The following SUGCT variants were observed in gnomAD, a reference collection of about 807,000 sequenced individuals.
The protein encoded by SUGCT is succinyl-CoA:glutarate CoA-transferase.
In SUGCT, 41 loss-of-function variants were observed where a neutral mutation model predicts 55.0. The ratio of observed to expected loss-of-function variants is 0.74; its 90% CI spans 0.58 to 0.97. The LOEUF (loss-of-function observed/expected upper bound fraction) is 0.97. Among genes scored for constraint, SUGCT ranks in the 50% least tolerant of loss-of-function variants. The pLI, the probability that SUGCT is intolerant of heterozygous loss-of-function variation, is 0.00. For missense variants in SUGCT, 568 were observed against 547.8 expected (o/e 1.04, Z -0.37); for synonymous variants, 187 against 200.4 (o/e 0.93, Z 0.56).
chr7:40,432,703 AAAAAAAAAAAAT>A (rs1787966962), intron 9 of SUGCT, among the ~76,000 whole-genome samples: 1 of 136,350 alleles, frequency 7.3e-6, no homozygotes, highest in African/African-American at 2.6e-5. Context: ...AAAAAAAAAA[AAAAAAAAAAAAT>A]CAAAATTCTC....
intron 13 of SUGCT, among the ~76,000 whole-genome samples, chr7:40,782,994 A>T (rs1387051201): frequency 6.6e-6 from 1 of 151,926 alleles, no homozygotes; most frequent in African/African-American, 2.4e-5. Context: ...CTTCCATGTG[A>T]CTCTGCCTCT....
intron 13 of SUGCT, among the ~76,000 whole-genome samples, chr7:40,779,254 A>G (rs1789610004): frequency 6.6e-6 from 1 of 152,122 alleles, no homozygotes; most frequent in Non-Finnish European, 1.5e-5. Context: ...ACTTATAAAT[A>G]TTTCCTAAGC....
chr7:40,474,037 C>G (rs977925976), intron 11 of SUGCT, among the ~76,000 whole-genome samples: 2 of 152,066 alleles, frequency 1.3e-5, no homozygotes, highest in Non-Finnish European at 2.9e-5. Context: ...GCTTCTCCCC[C>G]TTTCCCTATG....
At chr7:40,391,977 C>T (rs1246049839) in intron 9 of SUGCT, among the ~76,000 whole-genome samples, 2 of 152,150 alleles carry the variant, frequency 1.3e-5, no homozygotes, top group Non-Finnish European at 2.9e-5. Context: ...AGTTCATTTC[C>T]TTTGTAGGGA....
intron 13 of SUGCT, among the ~76,000 whole-genome samples, chr7:40,786,672 G>T (rs7808211): frequency 6.6e-6 from 1 of 151,976 alleles, no homozygotes; most frequent in East Asian, 1.9e-4. Flanking sequence ...ATAAGCTGAG[G>T]TAAGTATACA....
intron 11 of SUGCT, among the ~76,000 whole-genome samples, chr7:40,491,688 G>C (rs980576696): frequency 6.6e-6 from 1 of 152,030 alleles, no homozygotes. Context: ...ATCCAAAGCA[G>C]TATTTAGAGA....
chr7:40,712,056 C>T (rs770916645), intron 12 of SUGCT, among the ~76,000 whole-genome samples: 2 of 152,224 alleles, frequency 1.3e-5, no homozygotes, highest in Non-Finnish European at 2.9e-5. Flanking sequence ...ACTTAGAAGG[C>T]GGCCCAGCCA....
At chr7:40,246,178 A>C (rs943986202) in intron 7 of SUGCT, among the ~76,000 whole-genome samples, 34 of 152,098 alleles carry the variant, frequency 2.2e-4, no homozygotes, top group African/African-American at 8.2e-4. Flanking sequence ...CCTCCTCCAG[A>C]GATAACCACT....
intron 7 of SUGCT, among the ~76,000 whole-genome samples, chr7:40,249,716 G>A (rs553631437): frequency 6.6e-6 from 1 of 151,940 alleles, no homozygotes; most frequent in African/African-American, 2.4e-5. Flanking sequence ...CTTTGATTAC[G>A]GTCAGAGTTA....
chr7:40,252,372 G>A (rs1790487942), intron 7 of SUGCT, among the ~76,000 whole-genome samples: 1 of 152,046 alleles, frequency 6.6e-6, no homozygotes, highest in Non-Finnish European at 1.5e-5. Flanking sequence ...GCCTGCCTCA[G>A]CCTTCCAAAG....
chr7:40,669,548 A>T (rs967096407), intron 12 of SUGCT, among the ~76,000 whole-genome samples: 7 of 151,810 alleles, frequency 4.6e-5, no homozygotes, highest in African/African-American at 1.7e-4. Context: ...CTCAGCAAAG[A>T]AATGGAAAGT....
At chr7:40,199,792 C>CTT (rs35337810) in intron 6 of SUGCT, among the ~76,000 whole-genome samples, 1 of 138,832 alleles carries the variant, frequency 7.2e-6, no homozygotes, top group African/African-American at 2.8e-5. Context: ...AATGAAGTTT[C>CTT]TTTTTTTTTT....
At chr7:40,342,359 A>T (rs560290003) in intron 9 of SUGCT, among the ~76,000 whole-genome samples, 2 of 152,332 alleles carry the variant, frequency 1.3e-5, no homozygotes, top group African/African-American at 4.8e-5. Context: ...AGAAAAGCAA[A>T]TGAGAGACAA....
At chr7:40,399,078 T>C (rs1268560435) in intron 9 of SUGCT, among the ~76,000 whole-genome samples, 2 of 152,186 alleles carry the variant, frequency 1.3e-5, no homozygotes, top group African/African-American at 4.8e-5. Context: ...TTATACATTA[T>C]CACCCTGCTG....
intron 9 of SUGCT, among the ~76,000 whole-genome samples, chr7:40,330,064 A>T (rs1390654052): frequency 1.3e-5 from 2 of 152,194 alleles, no homozygotes; most frequent in African/African-American, 4.8e-5. Context: ...CTGAGAGAAC[A>T]GCATCCTGGG....
chr7:40,163,394 A>G (rs1161367474), intron 1 of SUGCT, among the ~76,000 whole-genome samples: 1 of 152,168 alleles, frequency 6.6e-6, no homozygotes, highest in Non-Finnish European at 1.5e-5. Flanking sequence ...TTACAAGGTC[A>G]GGAGATCAAG....
intron 6 of SUGCT, among the ~76,000 whole-genome samples, chr7:40,197,039 T>A (rs1401177298): frequency 1.3e-5 from 2 of 152,180 alleles, no homozygotes; most frequent in Non-Finnish European, 2.9e-5. Context: ...TTCACCATGT[T>A]GGCCAGACTG....
chr7:40,717,672 A>G (rs1186273849), intron 12 of SUGCT, among the ~76,000 whole-genome samples: 2 of 152,234 alleles, frequency 1.3e-5, no homozygotes, highest in Non-Finnish European at 2.9e-5. Context: ...GAAATCAGTG[A>G]TTAGTTGAAT....
intron 11 of SUGCT, among the ~76,000 whole-genome samples, chr7:40,488,120 G>A (rs1562811888): frequency 6.7e-6 from 1 of 150,042 alleles, no homozygotes; most frequent in Admixed American, 6.6e-5. Flanking sequence ...TAGTTGTTTT[G>A]TAGATTCTTT....
Sources: gnomAD v4.1 joint callset for allele counts (sites outside exome capture counted in the v4.1 genomes callset) on GRCh38, gnomAD v4.1.1 for gene constraint, MANE v1.5 for transcripts, NCBI Gene and HGNC (gene_info 2026-07-23, HGNC 2026-07-21) for gene names.